NDRG4: variants seen among roughly 807,000 people sequenced by gnomAD.
NDRG4 encodes the protein NDRG family member 4, also known as protein NDRG4.
In NDRG4, 38 loss-of-function variants were observed where a neutral mutation model predicts 55.8. The ratio of observed to expected loss-of-function variants is 0.68; its 90% confidence interval spans 0.53 to 0.89. NDRG4 has a LOEUF of 0.89. Among genes scored for constraint, NDRG4 ranks in the 40% least tolerant of loss-of-function variants. The pLI is 0.00. For synonymous variants in NDRG4, 190 were observed against 182.7 expected (o/e 1.04, Z -0.32); for missense variants, 455 against 468.6 (o/e 0.97, Z 0.27).
upstream of NDRG4, among the ~76,000 whole-genome samples, chr16:58,497,957 T>G (rs1050101929): frequency 2.0e-5 from 3 of 150,892 alleles, no homozygotes; most frequent in African/African-American, 7.3e-5. Context: ...CACAGAGAGG[T>G]TAAAAAAAAA....
chr16:58,510,268 T>A (rs570761197), intron 13 of NDRG4, among the ~76,000 whole-genome samples: 1 of 152,156 alleles, frequency 6.6e-6, no homozygotes, highest in South Asian at 2.1e-4. Context: ...CGGAAGAACA[T>A]TGTCAGGCGC....
At chr16:58,478,147 T>C (rs1415755360) in intron 1 of NDRG4, among the ~76,000 whole-genome samples, 1 of 151,988 alleles carries the variant, frequency 6.6e-6, no homozygotes, top group African/African-American at 2.4e-5. Context: ...TCCCAGCACT[T>C]TGAGAGGCCA....
Position 58,464,291 on chromosome 16 carries a change from C to T in NDRG4, c.-24+494C>T, listed in dbSNP as rs556828622. 430 of 637,604 alleles carry T rather than the reference C, an allele frequency of 6.7e-4. No individual in the cohort carries two copies. Among genetic ancestry groups the T allele is most frequent in the Non-Finnish European group, 9.2e-4 (399 of 433,850 alleles). 39.5% of individuals were successfully genotyped at this position (637,604 alleles called of 1,614,324 possible). On this transcript the variant is annotated intron_variant, in intron 1 of 15. Transcript: ENST00000258187. The surrounding 1 kb of genome is among the most constrained non-coding windows in gnomAD (Gnocchi z 4.8). Reference sequence around the variant, plus strand: ...CGGCGTTGGGGGCGGGAGAGCGCTCCTGGCTGTGAGCTGCTCCTGCCGCTT... The same window carrying T: ...CGGCGTTGGGGGCGGGAGAGCGCTCTTGGCTGTGAGCTGCTCCTGCCGCTT...
chr16:58,504,005 C>T, intron 2 of NDRG4, 102 bp downstream of exon 2: 1 of 1,546,374 alleles, frequency 6.5e-7, no homozygotes, highest in Non-Finnish European at 8.9e-7. Flanking sequence ...CCCACTCACA[C>T]TCACCTCTGT....
In NDRG4 at chr16:58,500,150, C is replaced by G; in HGVS notation, c.-99C>G. On this transcript the variant is annotated 5_prime_UTR_variant, in exon 1 of 15. Transcript: ENST00000570248. ...CAGGAGCTGTGCCCCATCACAGAGC[C>G]GACCATCTCCCACTCGAGCTGCCCC... 1 of 1,535,300 alleles carries G rather than the reference C, an allele frequency of 6.5e-7. No individual in the cohort carries two copies. The highest frequency in any genetic ancestry group is 8.7e-7 in the Non-Finnish European group (1 of 1,146,538).
chr16:58,507,715 C>T, intron 8 of NDRG4, 93 bp from the exon 9 acceptor site: 1 of 1,274,902 alleles, frequency 7.8e-7, no homozygotes, highest in Non-Finnish European at 1.1e-6. Flanking sequence ...CCACGCCTCC[C>T]TGCTTTACCA....
At chr16:58,502,346 C>A (rs985168749) in intron 1 of NDRG4, among the ~76,000 whole-genome samples, 2 of 152,132 alleles carry the variant, frequency 1.3e-5, no homozygotes, top group Non-Finnish European at 2.9e-5. Context: ...GCCTCCTCAT[C>A]CCCTGGGTGG....
In NDRG4 at chr16:58,512,243, A is replaced by C; in HGVS notation, c.*667A>C. 5.2e-6 allele frequency: 2 copies of C among 382,698 alleles called. 1 individual carries two copies. Among genetic ancestry groups the C allele is most frequent in the East Asian group, 1.5e-4 (2 of 13,618 alleles). 23.7% of individuals were successfully genotyped at this position (382,698 alleles called of 1,614,324 possible). A position where few individuals can be genotyped will look rare whatever the true frequency, so the allele number is the denominator to read the frequency against. On this transcript the variant is annotated 3_prime_UTR_variant, in exon 15 of 15. Transcript: ENST00000570248. ...CCACAGACTGTCCCTTCCAGCCCAC[A>C]CTCTGCCACCTCCTGGCCCTGTCCC...
At position 58,464,574 on chromosome 16, in the gene NDRG4, C is replaced by A; in HGVS notation, c.-24+777C>A. On this transcript the variant is annotated intron_variant, in intron 1 of 15. Transcript: ENST00000258187. The surrounding 1 kb of genome is among the most constrained non-coding windows in gnomAD (Gnocchi z 4.8). ...GCTCGGGTCTGAGCAGGAAGGGGTG[C>A]GGACCCCAACTAAGTCCTAGTTTTG... 2.8e-6 allele frequency: 3 copies of A among 1,056,144 alleles called. No homozygotes were observed. The highest frequency in any genetic ancestry group is 6.5e-5 in the East Asian group (2 of 30,636). The allele number at this position is 1,056,144 out of a possible 1,614,324, so 65.4% of individuals were successfully genotyped here.
intron 1 of NDRG4, chr16:58,475,582 T>C (rs1020430803): frequency 1.1e-5 from 5 of 455,210 alleles, no homozygotes; most frequent in African/African-American, 8.0e-5. Context: ...ATAAGTAAGA[T>C]AAAAGTATTT....
intron 1 of NDRG4, among the ~76,000 whole-genome samples, chr16:58,469,537 A>G (rs1263449597): frequency 6.6e-6 from 1 of 152,222 alleles, no homozygotes; most frequent in Non-Finnish European, 1.5e-5. Context: ...GTGTTTGTTC[A>G]AGGATAGTTA....
upstream of NDRG4, among the ~76,000 whole-genome samples, chr16:58,497,873 C>G (rs1166010081): frequency 6.6e-6 from 1 of 152,090 alleles, no homozygotes; most frequent in East Asian, 1.9e-4. Context: ...GTGATTTCTG[C>G]AGTTTTTTCT....
downstream of NDRG4, among the ~76,000 whole-genome samples, chr16:58,513,967 CAAA>C (rs1012622251): frequency 2.6e-4 from 39 of 152,000 alleles, no homozygotes; most frequent in Middle Eastern, 3.4e-3. Flanking sequence ...CAAAATAAAA[CAAA>C]AAAACAAAAT....
In NDRG4 at chr16:58,475,700, T is replaced by G. The variant is rs756744558; in HGVS notation, c.-24+11903T>G. On this transcript the variant is annotated intron_variant, in intron 1 of 15. Transcript: ENST00000258187. ...TTCTATATCACTACTATGCCACCTTTAGAATCCTGCCTTTGAGCCTAAAAT... is the reference window on the plus strand; with the variant it reads ...TTCTATATCACTACTATGCCACCTTGAGAATCCTGCCTTTGAGCCTAAAAT... The G allele has an allele frequency of 2.1e-4, 94 of 454,850 alleles. 1 individual carries two copies. The highest frequency in any genetic ancestry group is 1.2e-3 in the South Asian group (76 of 64,382). 28.2% of individuals were successfully genotyped at this position (454,850 alleles called of 1,614,324 possible).
chr16:58,464,651 G>T lies in NDRG4; in HGVS notation c.-24+854G>T. ...GCCCCGGGAGAGGACTTGAGGTTGTGGCGAGTCCCTGGCGCTGGCGTCCGG... is the reference window on the plus strand; with the variant it reads ...GCCCCGGGAGAGGACTTGAGGTTGTTGCGAGTCCCTGGCGCTGGCGTCCGG... On this transcript the variant is annotated intron_variant, in intron 1 of 15. Coordinates refer to the NDRG4 transcript ENST00000258187. The surrounding 1 kb of genome is among the most constrained non-coding windows in gnomAD (Gnocchi z 4.8). 1 of 977,890 alleles carries T rather than the reference G, an allele frequency of 1.0e-6. No homozygotes were observed. Among genetic ancestry groups the T allele is most frequent in the Non-Finnish European group, 1.3e-6 (1 of 741,580 alleles). The allele number at this position is 977,890 out of a possible 1,614,324, so 60.6% of individuals were successfully genotyped here.
intron 1 of NDRG4, among the ~76,000 whole-genome samples, chr16:58,473,196 GT>G (rs2033117797): frequency 6.6e-6 from 1 of 151,868 alleles, no homozygotes; most frequent in Non-Finnish European, 1.5e-5. Context: ...GTCTTACTTT[GT>G]TGCCCAGGCT....
intron 13 of NDRG4, 113 bp downstream of exon 13, chr16:58,509,465 GC>G: frequency 1.8e-6 from 2 of 1,132,326 alleles, no homozygotes; most frequent in Non-Finnish European, 2.5e-6. Flanking sequence ...GTAGTAGGGA[GC>G]CCATAAGCAT....
chr16:58,490,633 G>A (rs1008726085), intron 2 of NDRG4, among the ~76,000 whole-genome samples: 16 of 152,144 alleles, frequency 1.1e-4, no homozygotes, highest in Admixed American at 5.2e-4. Context: ...GTCAGCACAG[G>A]CCCCATGCTG....
chr16:58,495,466 C>T (rs1441036052), upstream of NDRG4: 1 of 163,212 alleles, frequency 6.1e-6, no homozygotes, highest in African/African-American at 2.4e-5. Flanking sequence ...GGGAAAATGC[C>T]TGACAGCAGA....
Sources: gnomAD v4.1 joint callset for allele counts (sites outside exome capture counted in the v4.1 genomes callset) on GRCh38, gnomAD v4.1.1 for gene constraint, Gnocchi (gnomAD v3.1) non-coding constraint, MANE v1.5 for transcripts, NCBI Gene and HGNC (gene_info 2026-07-23, HGNC 2026-07-21) for gene names.